Variants in CNTN4 observed in about 807,000 individuals in gnomAD.
CNTN4 encodes the protein contactin-4.
CNTN4 carries 77 observed loss-of-function variants against 122.5 expected under a neutral mutation model. That is an observed-to-expected ratio of 0.63 (90% confidence interval 0.52 to 0.76). CNTN4 has a LOEUF of 0.76. CNTN4 is among the 30% of genes least tolerant of loss of function. CNTN4 has a pLI of 0.00. For missense variants in CNTN4, 1,256 were observed against 1,259.1 expected (o/e 1.00, Z 0.04); for synonymous variants, 512 against 447.0 (o/e 1.15, Z -1.83).
intron 7 of CNTN4, among the ~76,000 whole-genome samples, chr3:2,823,817 C>G (rs991606190): frequency 2.0e-5 from 3 of 152,106 alleles, no homozygotes; most frequent in African/African-American, 7.2e-5. Flanking sequence ...TTGTTCATGC[C>G]TTCATTTTAT....
intron 4 of CNTN4, among the ~76,000 whole-genome samples, chr3:2,690,430 C>A (rs950896645): frequency 3.3e-5 from 5 of 152,066 alleles, no homozygotes; most frequent in East Asian, 1.9e-4. Flanking sequence ...AGCTATGGGA[C>A]CTTAGGTAGG....
intron 4 of CNTN4, among the ~76,000 whole-genome samples, chr3:2,627,616 C>G (rs981740629): frequency 3.3e-5 from 5 of 151,482 alleles, no homozygotes; most frequent in Non-Finnish European, 7.4e-5. Flanking sequence ...GCTTCAGCCT[C>G]CCGAGTAGTT....
intron 2 of CNTN4, among the ~76,000 whole-genome samples, chr3:2,169,103 G>A (rs2036327236): frequency 6.6e-6 from 1 of 152,092 alleles, no homozygotes; most frequent in Admixed American, 6.6e-5. Context: ...AATATATATT[G>A]TGAAATTTTA....
At chr3:2,334,274 C>A (rs962573885) in intron 2 of CNTN4, among the ~76,000 whole-genome samples, 8 of 152,152 alleles carry the variant, frequency 5.3e-5, no homozygotes, top group African/African-American at 1.9e-4. Context: ...TCTCCTGCCT[C>A]AGCCTCCCAA....
At chr3:2,621,172 C>T (rs1201782667) in intron 4 of CNTN4, among the ~76,000 whole-genome samples, 2 of 152,040 alleles carry the variant, frequency 1.3e-5, no homozygotes, top group Non-Finnish European at 2.9e-5. Context: ...CCCCTGTTCT[C>T]GCGTCTTCCT....
intron 6 of CNTN4, among the ~76,000 whole-genome samples, chr3:2,760,456 T>C (rs1211080686): frequency 6.6e-6 from 1 of 152,194 alleles, no homozygotes; most frequent in Non-Finnish European, 1.5e-5. Context: ...CTTTCTCTCA[T>C]GAATGGTCTG....
intron 2 of CNTN4, among the ~76,000 whole-genome samples, chr3:2,198,695 T>C (rs1209847754): frequency 6.6e-6 from 1 of 152,200 alleles, no homozygotes; most frequent in East Asian, 1.9e-4. Flanking sequence ...TCATAGAATA[T>C]ACTCGAGACT....
At chr3:3,027,414 A>T (rs1173367122) in intron 15 of CNTN4, among the ~76,000 whole-genome samples, 1 of 152,190 alleles carries the variant, frequency 6.6e-6, no homozygotes, top group Admixed American at 6.5e-5. Flanking sequence ...AGCGTAAACC[A>T]TTCTGGACCT....
intron 2 of CNTN4, among the ~76,000 whole-genome samples, chr3:2,103,673 A>G (rs1281343196): frequency 3.3e-5 from 5 of 152,208 alleles, no homozygotes; most frequent in Non-Finnish European, 7.3e-5. Context: ...CCTCCAAGAA[A>G]GGAAACCCTC....
intron 2 of CNTN4, among the ~76,000 whole-genome samples, chr3:2,202,917 A>G (rs1191066057): frequency 1.3e-5 from 2 of 151,318 alleles, no homozygotes; most frequent in African/African-American, 2.4e-5. Flanking sequence ...TCCACCTCCC[A>G]AGTTCGAGAT....
At chr3:2,781,270 A>G (rs984234188) in intron 6 of CNTN4, among the ~76,000 whole-genome samples, 6 of 152,194 alleles carry the variant, frequency 3.9e-5, no homozygotes, top group Non-Finnish European at 8.8e-5. Flanking sequence ...TTTTGAAACT[A>G]TGGAGAAAAT....
intron 5 of CNTN4, among the ~76,000 whole-genome samples, chr3:2,744,634 G>A (rs1559456128): frequency 6.6e-6 from 1 of 152,202 alleles, no homozygotes; most frequent in Non-Finnish European, 1.5e-5. Flanking sequence ...AGTTATATTA[G>A]TGCAAACGTT....
chr3:2,759,312 C>T (rs1015962611), intron 6 of CNTN4, among the ~76,000 whole-genome samples: 3 of 152,046 alleles, frequency 2.0e-5, no homozygotes, highest in Non-Finnish European at 2.9e-5. Flanking sequence ...CCTGCCACCA[C>T]GCCCGGCTAA....
At chr3:2,186,095 A>G (rs1303339749) in intron 2 of CNTN4, among the ~76,000 whole-genome samples, 1 of 119,808 alleles carries the variant, frequency 8.3e-6, no homozygotes, top group Non-Finnish European at 1.7e-5. Flanking sequence ...CCCACCCCAC[A>G]ACAGGCCCCA....
intron 14 of CNTN4, among the ~76,000 whole-genome samples, chr3:3,008,144 G>T (rs1054388937): frequency 6.6e-6 from 1 of 152,008 alleles, no homozygotes; most frequent in Non-Finnish European, 1.5e-5. Context: ...GAGAGAAGAG[G>T]TATTAATTCT....
intron 2 of CNTN4, among the ~76,000 whole-genome samples, chr3:2,301,214 T>C (rs1193920906): frequency 6.6e-6 from 1 of 152,180 alleles, no homozygotes; most frequent in Non-Finnish European, 1.5e-5. Context: ...AGAAAAAACT[T>C]TGTTAGCACA....
intron 3 of CNTN4, among the ~76,000 whole-genome samples, chr3:2,348,646 C>A (rs2044494602): frequency 6.6e-6 from 1 of 151,856 alleles, no homozygotes; most frequent in African/African-American, 2.4e-5. Context: ...TTTTTCTGTG[C>A]CTTTAGGTGG....
intron 11 of CNTN4, 143 bp from the exon 12 acceptor site, chr3:2,902,733 A>G (rs991007061): frequency 1.2e-5 from 10 of 814,262 alleles, no homozygotes; most frequent in Non-Finnish European, 2.0e-5. Context: ...TAGCTGACAG[A>G]TAAATAGATC....
intron 3 of CNTN4, among the ~76,000 whole-genome samples, chr3:2,440,192 G>A (rs1298488949): frequency 2.0e-5 from 3 of 152,112 alleles, no homozygotes; most frequent in Non-Finnish European, 2.9e-5. Flanking sequence ...TGCACAACGT[G>A]CAGGTTAGTT....
Sources: gnomAD v4.1 joint callset for allele counts (sites outside exome capture counted in the v4.1 genomes callset) on GRCh38, gnomAD v4.1.1 for gene constraint, MANE v1.5 for transcripts, NCBI Gene and HGNC (gene_info 2026-07-23, HGNC 2026-07-21) for gene names.